Variants in LUZP1 observed in about 807,000 individuals in gnomAD.
The protein encoded by LUZP1 is filamin mechanobinding actin cross-linking protein.
Under a neutral mutation model 71.3 loss-of-function variants are expected in LUZP1, and 25 were observed. The ratio of observed to expected loss-of-function variants is 0.35; its 90% CI spans 0.26 to 0.49. The LOEUF is 0.49. Ranked by LOEUF, LUZP1 falls within the 20% of genes least tolerant of loss-of-function variation. LUZP1 has a pLI of 0.99. For missense variants in LUZP1, 1,142 were observed against 1,300.8 expected, an observed-to-expected ratio of 0.88 and a Z score of 1.88; for synonymous variants, 481 against 506.4, an observed-to-expected ratio of 0.95 and a Z score of 0.67.
At chr1:23,127,124 T>C (rs1310116937) in intron 2 of LUZP1, among the ~76,000 whole-genome samples, 3 of 152,242 alleles carry the variant, frequency 2.0e-5, no homozygotes, top group Non-Finnish European at 4.4e-5. Context: ...TGTCTATTCA[T>C]TGGTCTATGG....
At position 23,093,505 on chromosome 1, in the gene LUZP1, T is replaced by C; in HGVS notation, c.757A>G (p.Lys253Glu). ...AGACCACCCTTCCTTCTTGATTCTT[T>C]GGACGGCAGTGTGGAAGAGATGCCA... Residue 253 changes from lysine to glutamate, a missense_variant, in exon 4 of 5, where the codon AAA (lysine) becomes GAA (glutamate). Transcript: ENST00000302291. The surrounding 1 kb of genome is among the most constrained non-coding windows in gnomAD (Gnocchi z 4.2). 1 of 1,612,846 alleles carries C rather than the reference T, an allele frequency of 6.2e-7. No individual in the cohort carries two copies. The highest frequency in any genetic ancestry group is 1.1e-5 in the South Asian group (1 of 90,468).
In LUZP1 at chr1:23,088,960, C is replaced by A. The variant is rs766917807; in HGVS notation, c.3166G>T (p.Glu1056Ter). ...TCCTCGGCCCGTACTCGCCCAGACT[C>A]TGGCAGCCCCTGCTTCCCAGGCAGT... The change falls in exon 5 of 5, where the codon GAG (glutamate) becomes TAG (stop). Residue 1056 changes from glutamate to a stop codon, truncating the protein, a stop_gained. Transcript: ENST00000302291. LOFTEE classifies it high-confidence loss of function. 2.5e-6 allele frequency: 4 copies of A among 1,614,092 alleles called. No homozygotes were observed. The African/African-American group carries it at 5.3e-5, about 22-fold the overall frequency.
intron 2 of LUZP1, among the ~76,000 whole-genome samples, chr1:23,159,813 CTG>C (rs1569697480): frequency 6.6e-6 from 1 of 152,078 alleles, no homozygotes; most frequent in East Asian, 1.9e-4. Flanking sequence ...GGTGAAACCC[CTG>C]TCTCTACTAA....
chr1:23,122,083 A>G (rs1379617807), intron 2 of LUZP1, among the ~76,000 whole-genome samples: 1 of 152,194 alleles, frequency 6.6e-6, no homozygotes, highest in African/African-American at 2.4e-5. Context: ...TCTTCAACTG[A>G]GTAACATTTA....
chr1:23,089,207 T>C (rs973260795), intron 4 of LUZP1, among the ~76,000 whole-genome samples, 154 bp from the exon 4 acceptor site: 1 of 152,152 alleles, frequency 6.6e-6, no homozygotes, highest in African/African-American at 2.4e-5. Flanking sequence ...TGCTTTTGCC[T>C]GAGTATGGGC....
chr1:23,158,972 GAGA>G (rs1644443796), intron 2 of LUZP1, among the ~76,000 whole-genome samples: 1 of 150,946 alleles, frequency 6.6e-6, no homozygotes, highest in African/African-American at 2.4e-5. Flanking sequence ...TTGGGGGTAA[GAGA>G]AGAAGTAATC....
At chr1:23,099,137 C>A (rs1439449160) in intron 3 of LUZP1, among the ~76,000 whole-genome samples, 1 of 152,186 alleles carries the variant, frequency 6.6e-6, no homozygotes, top group African/African-American at 2.4e-5. Flanking sequence ...GGGAAAAAAC[C>A]TCCTATAGTT....
At chr1:23,157,684 A>T (rs767619729) in intron 2 of LUZP1, among the ~76,000 whole-genome samples, 1 of 152,026 alleles carries the variant, frequency 6.6e-6, no homozygotes, top group Non-Finnish European at 1.5e-5. Flanking sequence ...CCAGATACTC[A>T]GGAGGCTGAG....
chr1:23,110,631 CACAT>C (rs201228651), intron 2 of LUZP1, among the ~76,000 whole-genome samples: 38,346 of 98,628 alleles, frequency 0.39, 5,174 homozygotes, highest in Middle Eastern at 0.54. Context: ...TGAACGCGCA[CACAT>C]ACACACACAC....
At chr1:23,086,478 A>G (rs1260408211) in exon 5 of LUZP1, 1 of 152,656 alleles carries the variant, frequency 6.6e-6, no homozygotes, top group Non-Finnish European at 1.5e-5. Context: ...TGAAATGTGG[A>G]AAGATCCAGA....
intron 3 of LUZP1, among the ~76,000 whole-genome samples, chr1:23,102,660 TTAAAAAAACAGG>T (rs1296899381): frequency 1.3e-5 from 2 of 152,116 alleles, no homozygotes; most frequent in Non-Finnish European, 2.9e-5. Flanking sequence ...TAAACTTGAT[TTAAAAAAACAGG>T]CAGTGGGCAG....
chr1:23,104,055 G>T (rs903962150), intron 3 of LUZP1, among the ~76,000 whole-genome samples: 2 of 152,012 alleles, frequency 1.3e-5, no homozygotes, highest in Non-Finnish European at 2.9e-5. Context: ...TAGGTTTGAG[G>T]CCCCTGAAAT....
intron 2 of LUZP1, among the ~76,000 whole-genome samples, chr1:23,153,330 T>G (rs193086307): frequency 1.3e-5 from 2 of 152,258 alleles, no homozygotes; most frequent in East Asian, 3.9e-4. Context: ...CATCCTTAAC[T>G]TTCTCAAATA....
At chr1:23,153,544 T>C (rs184195408) in intron 2 of LUZP1, among the ~76,000 whole-genome samples, 1 of 151,934 alleles carries the variant, frequency 6.6e-6, no homozygotes, top group African/African-American at 2.4e-5. Context: ...ACAGACCTCC[T>C]AGGGCAGTCA....
intron 2 of LUZP1, among the ~76,000 whole-genome samples, chr1:23,139,045 T>TATATATATATATAC (rs1389415209): frequency 6.7e-5 from 8 of 119,712 alleles, no homozygotes; most frequent in East Asian, 4.8e-4. Flanking sequence ...TATATATATA[T>TATATATATATATAC]ACACACATCA....
chr1:23,111,792 CCACA>C (rs1242293069), intron 2 of LUZP1, among the ~76,000 whole-genome samples: 2 of 151,614 alleles, frequency 1.3e-5, no homozygotes, highest in Non-Finnish European at 2.9e-5. Flanking sequence ...CACACAACAC[CCACA>C]CACAAACACC....
At chr1:23,101,957 A>G in intron 3 of LUZP1, among the ~76,000 whole-genome samples, 1 of 152,156 alleles carries the variant, frequency 6.6e-6, no homozygotes, top group East Asian at 1.9e-4. Context: ...CAATCATAAA[A>G]CTATGATAAA....
chr1:23,142,696 TATATACACACACACACACACACACAC>T (rs759896850), intron 2 of LUZP1, among the ~76,000 whole-genome samples: 54 of 90,864 alleles, frequency 5.9e-4, no homozygotes, highest in East Asian at 1.2e-3. Flanking sequence ...AATATATATA[TATATACACACACACACACACACACAC>T]ACACACACAC....
At chr1:23,095,474 T>C (rs545180119) in intron 3 of LUZP1, among the ~76,000 whole-genome samples, 1 of 152,026 alleles carries the variant, frequency 6.6e-6, no homozygotes, top group African/African-American at 2.4e-5. Flanking sequence ...AAATGAAAAA[T>C]AATAGTAAGT....
Sources: allele counts gnomAD v4.1 joint callset (sites outside exome capture counted in the v4.1 genomes callset), GRCh38; gene constraint gnomAD v4.1.1; non-coding constraint Gnocchi (gnomAD v3.1); transcripts MANE v1.5; gene names NCBI Gene and HGNC (gene_info 2026-07-23, HGNC 2026-07-21).